The following HORMAD2 variants were observed in gnomAD, a reference collection of about 807,000 sequenced individuals.
HORMAD2 encodes the protein HORMA domain containing 2.
In HORMAD2, 45 loss-of-function variants were observed where a neutral mutation model predicts 38.8. The ratio of observed to expected loss-of-function variants is 1.16; its 90% CI spans 0.91 to 1.49. The LOEUF (loss-of-function observed/expected upper bound fraction) is 1.49. HORMAD2 is among the 40% of genes most tolerant of loss of function. The pLI is 0.00. For missense variants in HORMAD2, 338 were observed against 367.0 expected (o/e 0.92, Z 0.65); for synonymous variants, 126 against 122.8 (o/e 1.03, Z -0.17).
intron 10 of HORMAD2, among the ~76,000 whole-genome samples, chr22:30,128,112 G>A (rs1172860661): frequency 3.9e-5 from 6 of 152,108 alleles, no homozygotes. Context: ...GATTTATTTT[G>A]TGTAATTGCA....
intron 10 of HORMAD2, among the ~76,000 whole-genome samples, chr22:30,164,378 A>G (rs1324659995): frequency 6.6e-6 from 1 of 152,092 alleles, no homozygotes; most frequent in Non-Finnish European, 1.5e-5. Flanking sequence ...CTGCCCTACT[A>G]TTTTCCATAG....
At chr22:30,176,016 T>C (rs768822937) in intron 10 of HORMAD2, 47 bp from the exon 11 acceptor site, 12 of 1,214,388 alleles carry the variant, frequency 9.9e-6, no homozygotes, top group Non-Finnish European at 1.3e-5. Context: ...CTTGTGCAGA[T>C]GTCAAAATCT....
At chr22:30,171,925 A>T (rs765059840) in intron 10 of HORMAD2, among the ~76,000 whole-genome samples, 6 of 152,140 alleles carry the variant, frequency 3.9e-5, no homozygotes, top group Non-Finnish European at 5.9e-5. Flanking sequence ...AATCAAGAGG[A>T]AGCAAGGTAT....
At chr22:30,105,594 C>T (rs1229776932) in intron 5 of HORMAD2, among the ~76,000 whole-genome samples, 1 of 152,194 alleles carries the variant, frequency 6.6e-6, no homozygotes, top group Non-Finnish European at 1.5e-5. Flanking sequence ...TTCCACTGCA[C>T]ATTTGTTACT....
At chr22:30,197,240 G>GT in the HORMAD2 span, among the ~76,000 whole-genome samples, 78 of 148,924 alleles carry the variant, frequency 5.2e-4, no homozygotes, top group African/African-American at 1.6e-3. Context: ...CTGGACCTAG[G>GT]TTTTTTTTTT....
chr22:30,123,959 A>T (rs1337526105), intron 10 of HORMAD2, among the ~76,000 whole-genome samples: 1 of 151,628 alleles, frequency 6.6e-6, no homozygotes, highest in African/African-American at 2.4e-5. Context: ...ACACCTGGTT[A>T]GATTTTTACC....
Position 30,129,217 on chromosome 22 carries a change from C to CAAAAAA in HORMAD2, c.819+7037_819+7042dup, listed in dbSNP as rs750796623. Among the ~76,000 whole-genome samples the CAAAAAA allele has an allele frequency of 1.6e-3, 37 of 22,592 alleles. 3 individuals carry two copies. The East Asian group carries it at 0.018, about 11-fold the overall frequency. 14.8% of individuals were successfully genotyped at this position (22,592 alleles called of 152,430 possible). ...TGGGTGGCAGAGTGAGACTCTATCT[C>CAAAAAA]AAAAAAAAAAAAAAAAAAAAAAAAA... On this transcript the variant is annotated intron_variant, in intron 10 of 10. Transcript: ENST00000336726.
chr22:30,084,650 C>T (rs1448174410), intron 1 of HORMAD2, among the ~76,000 whole-genome samples: 1 of 151,308 alleles, frequency 6.6e-6, no homozygotes, highest in African/African-American at 2.4e-5. Flanking sequence ...TTATTTTTTA[C>T]TTATTTATTT....
chr22:30,107,335 AAG>A (rs1488283511), intron 5 of HORMAD2, among the ~76,000 whole-genome samples: 1 of 152,248 alleles, frequency 6.6e-6, no homozygotes, highest in East Asian at 1.9e-4. Flanking sequence ...GAGAGATCAA[AAG>A]ACAAAATTTT....
At chr22:30,114,368 A>G (rs967820038) in intron 7 of HORMAD2, among the ~76,000 whole-genome samples, 3 of 152,222 alleles carry the variant, frequency 2.0e-5, no homozygotes, top group Non-Finnish European at 4.4e-5. Flanking sequence ...ACAAATCAGT[A>G]ATAATTACAA....
the HORMAD2 span, among the ~76,000 whole-genome samples, chr22:30,201,615 A>G: frequency 6.6e-6 from 1 of 151,716 alleles, no homozygotes; most frequent in Non-Finnish European, 1.5e-5. Context: ...ACGGGGTTTC[A>G]CTGTGTTAGC....
chr22:30,200,470 A>G, the HORMAD2 span, among the ~76,000 whole-genome samples: 1 of 152,144 alleles, frequency 6.6e-6, no homozygotes, highest in Non-Finnish European at 1.5e-5. Context: ...GGATATTGGA[A>G]TTATGGTTCT....
chr22:30,112,447 A>T, intron 6 of HORMAD2, 49 bp from the exon 7 acceptor site: 1 of 911,266 alleles, frequency 1.1e-6, no homozygotes, highest in Non-Finnish European at 1.7e-6. Context: ...GATGAGGAGT[A>T]ATCTAGTAAA....
intron 10 of HORMAD2, among the ~76,000 whole-genome samples, chr22:30,147,968 T>C (rs539698606): frequency 8.5e-5 from 13 of 152,310 alleles, no homozygotes; most frequent in Non-Finnish European, 1.9e-4. Context: ...TACTATATGA[T>C]GCAGAAATTT....
At chr22:30,152,634 A>G (rs1924820649) in intron 10 of HORMAD2, among the ~76,000 whole-genome samples, 1 of 152,166 alleles carries the variant, frequency 6.6e-6, no homozygotes, top group South Asian at 2.1e-4. Flanking sequence ...CCCAACCTTG[A>G]TCTTTTTTAT....
At chr22:30,118,348 C>T (rs555593800) in intron 7 of HORMAD2, among the ~76,000 whole-genome samples, 6 of 152,092 alleles carry the variant, frequency 3.9e-5, no homozygotes, top group Non-Finnish European at 7.4e-5. Flanking sequence ...GGCACCCCAC[C>T]CCCAAGATCT....
At chr22:30,200,124 C>T in the HORMAD2 span, among the ~76,000 whole-genome samples, 1 of 151,996 alleles carries the variant, frequency 6.6e-6, no homozygotes, top group Non-Finnish European at 1.5e-5. Flanking sequence ...ACCATGTCAG[C>T]CAGGCTGGTC....
the HORMAD2 span, among the ~76,000 whole-genome samples, chr22:30,183,209 T>A: frequency 2.2e-4 from 34 of 152,214 alleles, no homozygotes; most frequent in Admixed American, 2.2e-3. Flanking sequence ...TTAATACAGA[T>A]GTAAGGCGAT....
chr22:30,141,564 T>C (rs919607923), intron 10 of HORMAD2, among the ~76,000 whole-genome samples: 4 of 151,930 alleles, frequency 2.6e-5, no homozygotes, highest in African/African-American at 4.8e-5. Flanking sequence ...TATTAGCTTC[T>C]TATTTCATTC....
Sources: gnomAD v4.1 joint callset for allele counts (sites outside exome capture counted in the v4.1 genomes callset) on GRCh38, gnomAD v4.1.1 for gene constraint, MANE v1.5 for transcripts, NCBI Gene and HGNC (gene_info 2026-07-23, HGNC 2026-07-21) for gene names.